DUSP6: variants seen among roughly 807,000 people sequenced by gnomAD.
The protein encoded by DUSP6 is dual specificity phosphatase 6, also known as dual specificity protein phosphatase 6.
Under a neutral mutation model 28.0 loss-of-function variants are expected in DUSP6, and 6 were observed. That is an observed-to-expected ratio of 0.21 (90% confidence interval 0.12 to 0.42). The LOEUF (loss-of-function observed/expected upper bound fraction) is 0.42, where lower values mean the gene tolerates loss of function less well. Among genes scored for constraint, DUSP6 ranks in the 10% least tolerant of loss-of-function variants. The pLI, the probability that DUSP6 is intolerant of heterozygous loss-of-function variation, is 1.00. For synonymous variants in DUSP6, 252 were observed against 217.5 expected, an observed-to-expected ratio of 1.16 and a Z score of -1.40; for missense variants, 451 against 498.1, an observed-to-expected ratio of 0.91 and a Z score of 0.90.
Position 89,350,781 on chromosome 12 carries a change from G to A in DUSP6, c.645C>T (p.Tyr215=), listed in dbSNP as rs1237796226. 2 of 1,614,036 alleles carry A rather than the reference G, an allele frequency of 1.2e-6. No homozygotes were observed. Among genetic ancestry groups the A allele is most frequent in the Non-Finnish European group, 1.7e-6 (2 of 1,179,996 alleles). ...TGGTGGAGTCTTTGGCACAGCCCAA[G>A]TAGAGGAAGGGCAAGATCTCCACTG... The part of the protein sequence containing the change: ...SFPVEILPFL[Y]LGCAKDSTNL... Residue 215 remains tyrosine, a synonymous_variant, in exon 2 of 3, where the codon TAC becomes TAT. Coordinates refer to ENST00000279488, the MANE Select transcript of DUSP6 (RefSeq NM_001946.4).
At chr12:89,349,803 T>TTAATGGG (rs1879119418) in intron 2 of DUSP6, among the ~76,000 whole-genome samples, 1 of 152,252 alleles carries the variant, frequency 6.6e-6, no homozygotes, top group Non-Finnish European at 1.5e-5. Context: ...AAAAAACTCC[T>TTAATGGG]TAATGGGTGC....
In DUSP6 at chr12:89,351,637, T is replaced by C. The variant is rs761555413; in HGVS notation, c.400+3A>G. ...CCGCGCGCGGAGTTCCCTGGGCGCG[T>C]ACCTTCCAGGTAGAACGCCCGGCAG... On this transcript the variant is annotated splice_donor_region_variant and intron_variant, in intron 1 of 2. Transcript: ENST00000279488. The C allele has an allele frequency of 5.6e-6, 9 of 1,596,208 alleles. No individual in the cohort carries two copies. The highest frequency in any genetic ancestry group is 1.3e-5 in the African/African-American group (1 of 74,412).
intron 2 of DUSP6, among the ~76,000 whole-genome samples, 199 bp from the exon 3 acceptor site, chr12:89,349,760 A>G (rs898435913): frequency 1.2e-4 from 19 of 152,240 alleles, no homozygotes; most frequent in African/African-American, 4.6e-4. Flanking sequence ...ATATTTTCTG[A>G]AAAGAGAGCT....
In DUSP6 at chr12:89,352,400, A is replaced by C; in HGVS notation, c.-361T>G. On this transcript the variant is annotated 5_prime_UTR_variant, in exon 1 of 3. Transcript: ENST00000279488. ...CCCTCCCTCCAAGGCTGCACCTCAAATCTACCCGGGCGTCTTTCTCCCCGG... is the reference window on the plus strand; with the variant it reads ...CCCTCCCTCCAAGGCTGCACCTCAACTCTACCCGGGCGTCTTTCTCCCCGG... 7 of 238,200 alleles carry C rather than the reference A, an allele frequency of 2.9e-5. No homozygotes were observed. Among genetic ancestry groups the C allele is most frequent in the Non-Finnish European group, 4.2e-5 (5 of 120,362 alleles). 14.8% of individuals were successfully genotyped at this position (238,200 alleles called of 1,614,324 possible).
chr12:89,348,941 C>A lies in DUSP6; in HGVS notation c.*313G>T. 3.7e-6 allele frequency: 1 copy of A among 267,964 alleles called. No homozygotes were observed. Among genetic ancestry groups the A allele is most frequent in the Non-Finnish European group, 7.2e-6 (1 of 139,282 alleles). The allele number at this position is 267,964 out of a possible 1,614,324, so 16.6% of individuals were successfully genotyped here. A position where few individuals can be genotyped will look rare whatever the true frequency, so the allele number is the denominator to read the frequency against. ...GGCCCTAAAGAACACATGCTCCTAC[C>A]CTATCATTTGGTTCTACCCTATGCG... On this transcript the variant is annotated 3_prime_UTR_variant, in exon 3 of 3. Transcript: ENST00000279488.
At chr12:89,351,509 C>G (rs970733668) in intron 1 of DUSP6, 131 bp downstream of exon 1, 41 of 1,395,978 alleles carry the variant, frequency 2.9e-5, no homozygotes, top group Middle Eastern at 2.6e-4. Context: ...CGCCGGCTGC[C>G]GGTCCCTAGG....
chr12:89,351,005 C>T lies in DUSP6; in HGVS notation c.421G>A (p.Ala141Thr). 1 of 1,599,902 alleles carries T rather than the reference C, an allele frequency of 6.3e-7. No individual in the cohort carries two copies. The highest frequency in any genetic ancestry group is 8.5e-7 in the Non-Finnish European group (1 of 1,175,038). Reference sequence around the variant, plus strand: ...GTCTCGCAATGCAGGGAGAACTCGGCTTGGAACTTACTGAAGCCACCTGCC... The same window carrying T: ...GTCTCGCAATGCAGGGAGAACTCGGTTTGGAACTTACTGAAGCCACCTGCC... ...YLEGGFSKFQ[A>T]EFSLHCETNL... is the part of the protein sequence containing the mutation. Residue 141 changes from alanine (A) to threonine (T), a missense_variant, in exon 2 of 3, where the codon GCC becomes ACC. Transcript: ENST00000279488.
chr12:89,351,077 C>T, intron 1 of DUSP6, 52 bp from the exon 2 acceptor site: 1 of 1,521,614 alleles, frequency 6.6e-7, no homozygotes, highest in Non-Finnish European at 8.8e-7. Flanking sequence ...TAGTAGTTTT[C>T]ACAGCTTGTA....
chr12:89,351,947 G>A lies in DUSP6; in HGVS notation c.93C>T (p.Asn31=). Reference sequence around the variant, plus strand: ...GGCAGTCCATCAGCAGCAGCCGCTCGTTGCCCAGCTCCAGCTGCTCGTTGA... The same window carrying A: ...GGCAGTCCATCAGCAGCAGCCGCTCATTGCCCAGCTCCAGCTGCTCGTTGA... The part of the protein sequence containing the change: ...AWLNEQLELG[N]ERLLLMDCRP... Residue 31 remains asparagine, a synonymous_variant, in exon 1 of 3, where the codon AAC becomes AAT. Coordinates refer to ENST00000279488, the MANE Select transcript of DUSP6 (RefSeq NM_001946.4). 1 of 1,613,028 alleles carries A rather than the reference G, an allele frequency of 6.2e-7. No individual in the cohort carries two copies. The highest frequency in any genetic ancestry group is 8.5e-7 in the Non-Finnish European group (1 of 1,179,946).
At position 89,348,345 on chromosome 12, in the gene DUSP6, GGTTT is replaced by G. The variant is rs1287597391; in HGVS notation, c.*905_*908del. ...TAATATACTGTTTAGCACAGCTGAAGGTTTTTTTATTCTTTCTTTTTTTAAAGTG... is the reference window on the plus strand; with the variant it reads ...TAATATACTGTTTAGCACAGCTGAAGTTTTATTCTTTCTTTTTTTAAAGTG... On this transcript the variant is annotated 3_prime_UTR_variant, in exon 3 of 3. Transcript: ENST00000279488. The G allele has an allele frequency of 2.0e-5, 3 of 152,606 alleles. No homozygotes were observed. The highest frequency in any genetic ancestry group is 6.5e-5 in the Admixed American group (1 of 15,278). The allele number at this position is 152,606 out of a possible 1,614,324, so 9.5% of individuals were successfully genotyped here.
In DUSP6 at chr12:89,348,470, G is replaced by GA. The variant is rs986444245; in HGVS notation, c.*783dup. ...AAGGCATAGTCAAACTACATAAAGAGAAAAAATCATGAGGAAAATACATGA... is the reference window on the plus strand; with the variant it reads ...AAGGCATAGTCAAACTACATAAAGAGAAAAAAATCATGAGGAAAATACATGA... On this transcript the variant is annotated 3_prime_UTR_variant, in exon 3 of 3. Coordinates refer to ENST00000279488, the MANE Select transcript of DUSP6 (RefSeq NM_001946.4). 6.6e-6 allele frequency: 1 copy of GA among 152,250 alleles called. No homozygotes were observed. The highest frequency in any genetic ancestry group is 1.9e-4 in the East Asian group (1 of 5,204). 9.4% of individuals were successfully genotyped at this position (152,250 alleles called of 1,614,324 possible). A position where few individuals can be genotyped will look rare whatever the true frequency, so the allele number is the denominator to read the frequency against.
At position 89,352,140 on chromosome 12, in the gene DUSP6, G is replaced by A; in HGVS notation, c.-101C>T. The stretch of plus-strand genomic sequence containing the variant: ...CGCGAAGCTGCCGCTCTCGGAGCGG[G>A]GTTTAATTCCGCCTCGCCTTACCCA... On this transcript the variant is annotated 5_prime_UTR_variant, in exon 1 of 3. Coordinates refer to ENST00000279488, the MANE Select transcript of DUSP6 (RefSeq NM_001946.4). 1 of 1,505,344 alleles carries A rather than the reference G, an allele frequency of 6.6e-7. No homozygotes were observed. Among genetic ancestry groups the A allele is most frequent in the African/African-American group, 1.4e-5 (1 of 72,038 alleles). The allele number at this position is 1,505,344 out of a possible 1,614,324, so 93.2% of individuals were successfully genotyped here.
Position 89,347,666 on chromosome 12 carries a change from G to A in DUSP6, c.*1588C>T, listed in dbSNP as rs1236037646. The A allele has an allele frequency of 6.6e-6, 1 of 152,208 alleles. No homozygotes were observed. The highest frequency in any genetic ancestry group is 1.5e-5 in the Non-Finnish European group (1 of 68,044). 9.4% of individuals were successfully genotyped at this position (152,208 alleles called of 1,614,324 possible). On this transcript the variant is annotated 3_prime_UTR_variant, in exon 3 of 3. Coordinates refer to ENST00000279488, the MANE Select transcript of DUSP6 (RefSeq NM_001946.4). Reference sequence around the variant, plus strand: ...GGCATTATCTCAGCATTATAAAGCAGAAGATCCTGACAGTGAAGGATAGGG... The same window carrying A: ...GGCATTATCTCAGCATTATAAAGCAAAAGATCCTGACAGTGAAGGATAGGG...
rs930290774 is a variant in DUSP6, at chr12:89,347,950, A to C, written c.*1304T>G. 6.6e-6 allele frequency: 1 copy of C among 152,378 alleles called. No homozygotes were observed. Among genetic ancestry groups the C allele is most frequent in the Non-Finnish European group, 1.5e-5 (1 of 68,044 alleles). 9.4% of individuals were successfully genotyped at this position (152,378 alleles called of 1,614,324 possible). A position where few individuals can be genotyped will look rare whatever the true frequency, so the allele number is the denominator to read the frequency against. ...CTGAAAAACGTTCTAGGAAAAGCTT[A>C]AAAGAACCTTGCCCTACTATGCCTA... On this transcript the variant is annotated 3_prime_UTR_variant, in exon 3 of 3. Coordinates refer to ENST00000279488, the MANE Select transcript of DUSP6 (RefSeq NM_001946.4).
In DUSP6 at chr12:89,349,535, C is replaced by T; in HGVS notation, c.865G>A (p.Val289Ile). 6.2e-7 allele frequency: 1 copy of T among 1,610,848 alleles called. No homozygotes were observed. The highest frequency in any genetic ancestry group is 1.1e-5 in the South Asian group (1 of 90,998). ...IDEARGKNCG[V>I]LVHCLAGISR... ...ATGCCAGCCAAGCAATGTACCAAGA[C>T]ACCACAGTTCTTGCCCCGGGCTTCA... Residue 289 changes from valine (V) to isoleucine (I), a missense_variant, in exon 3 of 3, where the codon GTC becomes ATC. Val to Ile is a conservative substitution (Grantham distance 29). This residue lies in a region of DUSP6 where 104 missense variants were observed against 151.4 expected (regional missense o/e 0.69). Transcript: ENST00000279488.
Position 89,349,125 on chromosome 12 carries a change from G to C in DUSP6, c.*129C>G. The C allele has an allele frequency of 3.0e-6, 3 of 1,001,272 alleles. No homozygotes were observed. The highest frequency in any genetic ancestry group is 4.4e-6 in the Non-Finnish European group (3 of 682,526). The allele number at this position is 1,001,272 out of a possible 1,614,324, so 62.0% of individuals were successfully genotyped here. ...AACCAATTCCGCACTTGGTAACCTT[G>C]TCTAGTACAGACAGCTGGTGTCATT... On this transcript the variant is annotated 3_prime_UTR_variant, in exon 3 of 3. Coordinates refer to ENST00000279488, the MANE Select transcript of DUSP6 (RefSeq NM_001946.4).
intron 2 of DUSP6, among the ~76,000 whole-genome samples, chr12:89,350,083 C>CA (rs1879128951): frequency 6.6e-6 from 1 of 152,228 alleles, no homozygotes. Context: ...CCCAGGCTTC[C>CA]AGCCCACAGT....
At chr12:89,351,576 G>C (rs1879189917) in intron 1 of DUSP6, 64 bp downstream of exon 1, 3 of 1,484,200 alleles carry the variant, frequency 2.0e-6, no homozygotes, top group South Asian at 1.4e-5. Flanking sequence ...TTCAATCCAC[G>C]CGCCCCGCCC....
chr12:89,352,073 A>G lies in DUSP6; in HGVS notation c.-34T>C, dbSNP rs527240303. 5 of 1,593,762 alleles carry G rather than the reference A, an allele frequency of 3.1e-6. No homozygotes were observed. The African/African-American group carries it at 6.7e-5, about 21-fold the overall frequency. The stretch of plus-strand genomic sequence containing the variant: ...AGCTGCGGGAGAGGGCGGGGTGCCT[A>G]CCAGACGCCCCTCGGGGCAGGCATA... On this transcript the variant is annotated 5_prime_UTR_variant, in exon 1 of 3. An upstream open reading frame in the 5' UTR loses its in-frame stop. Transcript: ENST00000279488.
Sources: allele counts gnomAD v4.1 joint callset (sites outside exome capture counted in the v4.1 genomes callset), GRCh38; gene constraint gnomAD v4.1.1; regional missense constraint gnomAD v4.1.1; transcripts MANE v1.5; gene names NCBI Gene and HGNC (gene_info 2026-07-23, HGNC 2026-07-21).